GPHN: variants seen among roughly 807,000 people sequenced by gnomAD.
The protein encoded by GPHN is gephyrin.
Under a neutral mutation model 95.5 loss-of-function variants are expected in GPHN, and 17 were observed. That is an observed-to-expected ratio of 0.18 (90% CI 0.12 to 0.27). GPHN has a LOEUF of 0.27. Among genes scored for constraint, GPHN ranks in the 10% least tolerant of loss-of-function variants. GPHN has a pLI of 1.00. For synonymous variants in GPHN, 320 were observed against 322.5 expected, an observed-to-expected ratio of 0.99 and a Z score of 0.08; for missense variants, 660 against 978.1, an observed-to-expected ratio of 0.67 and a Z score of 4.34.
the GPHN span, among the ~76,000 whole-genome samples, chr14:67,265,349 G>C: frequency 2.0e-5 from 3 of 152,152 alleles, no homozygotes; most frequent in Non-Finnish European, 4.4e-5. Context: ...TTGAGGCAAG[G>C]AGTTGAAGAC....
intron 1 of GPHN, among the ~76,000 whole-genome samples, chr14:66,530,647 C>T (rs565096330): frequency 1.3e-5 from 2 of 152,292 alleles, no homozygotes; most frequent in East Asian, 3.9e-4. Context: ...AGTGTACGGT[C>T]TACTGAGCCT....
intron 1 of GPHN, among the ~76,000 whole-genome samples, chr14:66,621,295 G>A (rs1299253266): frequency 7.9e-6 from 1 of 126,810 alleles, no homozygotes; most frequent in Admixed American, 8.3e-5. Flanking sequence ...TTTCGTATTT[G>A]TAGTAGAGAT....
chr14:67,615,528 G>A, the GPHN span: 6 of 449,898 alleles, frequency 1.3e-5, no homozygotes, highest in Non-Finnish European at 2.1e-5. Flanking sequence ...AAATGCCATC[G>A]TATGTATTTT....
At chr14:67,367,006 T>C in the GPHN span, among the ~76,000 whole-genome samples, 1 of 151,986 alleles carries the variant, frequency 6.6e-6, no homozygotes, top group East Asian at 1.9e-4. Context: ...GTGGTGATAG[T>C]GGTGAGGGTT....
intron 1 of GPHN, among the ~76,000 whole-genome samples, chr14:66,589,500 C>T (rs1226851038): frequency 4.6e-5 from 7 of 150,564 alleles, no homozygotes; most frequent in African/African-American, 1.7e-4. Flanking sequence ...GATCTCAATC[C>T]TAGTCTCTGA....
chr14:67,473,968 G>A, the GPHN span: 6 of 1,553,266 alleles, frequency 3.9e-6, no homozygotes, highest in East Asian at 1.4e-4. The surrounding 1 kb of genome is among the most constrained non-coding windows in gnomAD (Gnocchi z 6.5). Context: ...AGAGACAGGT[G>A]AGGGCCGGGC....
intron 1 of GPHN, among the ~76,000 whole-genome samples, chr14:66,600,674 C>A (rs939393266): frequency 6.6e-6 from 1 of 151,952 alleles, no homozygotes; most frequent in Non-Finnish European, 1.5e-5. Flanking sequence ...ATATCACAGG[C>A]GTCTTGTGCT....
intron 9 of GPHN, among the ~76,000 whole-genome samples, chr14:67,014,093 C>T (rs1355473392): frequency 6.6e-6 from 1 of 151,832 alleles, no homozygotes; most frequent in Non-Finnish European, 1.5e-5. Flanking sequence ...AAATCACACA[C>T]ACGCAAAACA....
intron 4 of GPHN, among the ~76,000 whole-genome samples, chr14:66,869,863 A>G (rs997831713): frequency 6.6e-6 from 1 of 152,196 alleles, no homozygotes; most frequent in African/African-American, 2.4e-5. Context: ...ACTTAGGTTA[A>G]ATATTTTATT....
At chr14:67,305,619 G>T in the GPHN span, among the ~76,000 whole-genome samples, 3 of 152,156 alleles carry the variant, frequency 2.0e-5, no homozygotes, top group African/African-American at 4.8e-5. Flanking sequence ...TGCTATTCAT[G>T]CAGAATCTGG....
chr14:66,992,450 G>A (rs1336844980), intron 9 of GPHN, among the ~76,000 whole-genome samples: 1 of 152,102 alleles, frequency 6.6e-6, no homozygotes, highest in Non-Finnish European at 1.5e-5. Context: ...CCTGAATCAA[G>A]TTAGAAAGTA....
intron 2 of GPHN, chr14:66,709,448 C>A: frequency 2.2e-6 from 1 of 455,554 alleles, no homozygotes; most frequent in South Asian, 1.6e-5. Flanking sequence ...ATCTGATAAC[C>A]CAGATGGCTG....
At chr14:66,618,274 C>T (rs1161376127) in intron 1 of GPHN, among the ~76,000 whole-genome samples, 1 of 152,136 alleles carries the variant, frequency 6.6e-6, no homozygotes, top group Non-Finnish European at 1.5e-5. Context: ...CATAAAAGTT[C>T]CACATGTTGT....
At chr14:67,726,567 G>C in the GPHN span, among the ~76,000 whole-genome samples, 1 of 152,124 alleles carries the variant, frequency 6.6e-6, no homozygotes, top group Non-Finnish European at 1.5e-5. Context: ...AGGCAGGGTG[G>C]GGTTCAGCGT....
At chr14:67,340,307 T>C in the GPHN span, 1 of 712,784 alleles carries the variant, frequency 1.4e-6, no homozygotes, top group Non-Finnish European at 2.3e-6. Context: ...TAATATTTCT[T>C]GCTGCTTATT....
the GPHN span, among the ~76,000 whole-genome samples, chr14:67,643,588 C>T: frequency 1.3e-5 from 2 of 152,116 alleles, no homozygotes; most frequent in Admixed American, 1.3e-4. Context: ...ACTCAGGAGG[C>T]CAAGGTGGGA....
the GPHN span, among the ~76,000 whole-genome samples, chr14:67,464,104 G>C: frequency 6.6e-6 from 1 of 152,106 alleles, no homozygotes; most frequent in African/African-American, 2.4e-5. Context: ...GTGAGACAGA[G>C]AGAAAGAGAG....
At chr14:67,302,675 T>G in the GPHN span, 1 of 905,930 alleles carries the variant, frequency 1.1e-6, no homozygotes, top group Non-Finnish European at 1.5e-6. Context: ...ACTAGATGAT[T>G]TCTAGCCTGA....
the GPHN span, chr14:67,412,198 C>T: frequency 1.6e-5 from 10 of 623,398 alleles, no homozygotes; most frequent in Non-Finnish European, 2.5e-5. Context: ...GCCTCCCTGG[C>T]GCGTGTCCAG....
Sources: allele counts gnomAD v4.1 joint callset (sites outside exome capture counted in the v4.1 genomes callset), GRCh38; gene constraint gnomAD v4.1.1; non-coding constraint Gnocchi (gnomAD v3.1); transcripts MANE v1.5; gene names NCBI Gene and HGNC (gene_info 2026-07-23, HGNC 2026-07-21).